Variants in ABCB8 observed in about 807,000 individuals in gnomAD.
ABCB8 encodes mitochondrial potassium channel ATP-binding subunit.
Under a neutral mutation model 73.0 loss-of-function variants are expected in ABCB8, and 52 were observed. The ratio of observed to expected loss-of-function variants is 0.71; its 90% confidence interval spans 0.57 to 0.90. ABCB8 has a LOEUF of 0.90. Among genes scored for constraint, ABCB8 ranks in the 40% least tolerant of loss-of-function variants. The pLI, the probability that ABCB8 is intolerant of heterozygous loss-of-function variation, is 0.00. For missense variants in ABCB8, 909 were observed against 974.6 expected (o/e 0.93, Z 0.90); for synonymous variants, 428 against 423.5 (o/e 1.01, Z -0.13).
intron 1 of ABCB8, chr7:151,033,191 C>T (rs1239070681): frequency 2.3e-6 from 1 of 435,162 alleles, no homozygotes; most frequent in Non-Finnish European, 4.6e-6. Context: ...ACAGGAGCAG[C>T]TCTCTTTCCT....
intron 9 of ABCB8, chr7:151,039,918 C>A (rs77475957): frequency 0.042 from 10,262 of 243,740 alleles, 270 homozygotes; most frequent in Non-Finnish European, 0.058. Flanking sequence ...CTGATATCAC[C>A]GCTGCATGTG....
In ABCB8 at chr7:151,033,684, C is replaced by G; in HGVS notation, c.175C>G (p.Arg59Gly). The G allele has an allele frequency of 1.2e-6, 2 of 1,612,196 alleles. No homozygotes were observed. Among genetic ancestry groups the G allele is most frequent in the Non-Finnish European group, 1.7e-6 (2 of 1,178,952 alleles). Residue 59 changes from arginine to glycine, a missense_variant, in exon 2 of 16, where the codon CGA (arginine) becomes GGA (glycine). By Grantham distance (125) the Arg-to-Gly change is moderately radical. Transcript: ENST00000358849. ...GTCCCAGCTCTGGGCCCACCTCCCTCGAGCCCCCCTAGCTCCCAGATGGAG... is the reference window on the plus strand; with the variant it reads ...GTCCCAGCTCTGGGCCCACCTCCCTGGAGCCCCCCTAGCTCCCAGATGGAG... ...LRSQLWAHLP[R>G]APLAPRWSPS...
chr7:151,045,137 G>T, intron 15 of ABCB8, 72 bp from the exon 16 acceptor site: 1 of 1,437,624 alleles, frequency 7.0e-7, no homozygotes, highest in Non-Finnish European at 9.2e-7. Flanking sequence ...TGATAGAGAG[G>T]CTCAGCTCTC....
chr7:151,033,711 C>A lies in ABCB8; in HGVS notation c.202C>A (p.Pro68Thr). Reference sequence around the variant, plus strand: ...AGCCCCCCTAGCTCCCAGATGGAGCCCCTCTGCCTGGTGCTGGGTTGGGGG... The same window carrying A: ...AGCCCCCCTAGCTCCCAGATGGAGCACCTCTGCCTGGTGCTGGGTTGGGGG... Reference protein sequence around the residue: ...PRAPLAPRWSPSAWCWVGGAL... With the variant: ...PRAPLAPRWSTSAWCWVGGAL... Residue 68 changes from proline (P) to threonine (T), a missense_variant, in exon 2 of 16, where the codon CCC becomes ACC. Coordinates refer to ENST00000358849, the MANE Select transcript of ABCB8 (RefSeq NM_007188.5). The A allele has an allele frequency of 6.2e-7, 1 of 1,613,802 alleles. No homozygotes were observed. Among genetic ancestry groups the A allele is most frequent in the Non-Finnish European group, 8.5e-7 (1 of 1,179,898 alleles).
chr7:151,030,302 G>A (rs1796125623), intron 1 of ABCB8, among the ~76,000 whole-genome samples: 1 of 151,998 alleles, frequency 6.6e-6, no homozygotes, highest in Admixed American at 6.5e-5. Flanking sequence ...ATCACCTGAG[G>A]TCAGAAGTTT....
chr7:151,045,955 C>T lies in ABCB8; in HGVS notation c.*606C>T, dbSNP rs1175989712. 6.6e-6 allele frequency: 1 copy of T among 152,370 alleles called. No individual in the cohort carries two copies. Among genetic ancestry groups the T allele is most frequent in the Non-Finnish European group, 1.5e-5 (1 of 68,156 alleles). 9.4% of individuals were successfully genotyped at this position (152,370 alleles called of 1,614,324 possible). A position where few individuals can be genotyped will look rare whatever the true frequency, so the allele number is the denominator to read the frequency against. ...CCCTCCTTTCTCCCTGCACAGTGAACACAGTCCTGATTTCTAGATTTCACC... is the reference window on the plus strand; with the variant it reads ...CCCTCCTTTCTCCCTGCACAGTGAATACAGTCCTGATTTCTAGATTTCACC... On this transcript the variant is annotated 3_prime_UTR_variant, in exon 16 of 16. Transcript: ENST00000358849.
chr7:151,039,521 C>T (rs1245234490), intron 9 of ABCB8: 1 of 152,692 alleles, frequency 6.5e-6, no homozygotes, highest in African/African-American at 2.4e-5. Flanking sequence ...CCTTCCTCCT[C>T]AGCCTCCTGG....
intron 13 of ABCB8, 59 bp from the exon 14 acceptor site, chr7:151,041,902 G>A (rs1486794723): frequency 1.9e-6 from 3 of 1,590,230 alleles, no homozygotes; most frequent in East Asian, 2.2e-5. Flanking sequence ...GGCCCCTCCA[G>A]TTTCTGGGGC....
At position 151,035,570 on chromosome 7, in the gene ABCB8, C is replaced by G; in HGVS notation, c.766-11C>G. On this transcript the variant is annotated splice_polypyrimidine_tract_variant and intron_variant, in intron 5 of 15. Transcript: ENST00000358849. ...ACGCCGTAGCCTCCCGCCTTCCCTCCCACTCCCTAGGGGCTGCGAAGCTGC... is the reference window on the plus strand; with the variant it reads ...ACGCCGTAGCCTCCCGCCTTCCCTCGCACTCCCTAGGGGCTGCGAAGCTGC... 1.3e-6 allele frequency: 2 copies of G among 1,582,000 alleles called. No homozygotes were observed. Among genetic ancestry groups the G allele is most frequent in the Middle Eastern group, 1.8e-4 (1 of 5,704 alleles).
Position 151,040,827 on chromosome 7 carries a change from G to C in ABCB8, c.1389-1G>C. 1 of 1,590,548 alleles carries C rather than the reference G, an allele frequency of 6.3e-7. No homozygotes were observed. On this transcript the variant is annotated splice_acceptor_variant, in intron 11 of 15. Coordinates refer to ENST00000358849, the MANE Select transcript of ABCB8 (RefSeq NM_007188.5). LOFTEE classifies it high-confidence loss of function. ...ACTGGGGGTCTCTCGGCTCCTCCCAGCTACCCCTGCCGCCCCGGCTTCGAG... is the reference window on the plus strand; with the variant it reads ...ACTGGGGGTCTCTCGGCTCCTCCCACCTACCCCTGCCGCCCCGGCTTCGAG...
At chr7:151,041,733 C>T (rs1796470021) in intron 13 of ABCB8, among the ~76,000 whole-genome samples, 1 of 152,260 alleles carries the variant, frequency 6.6e-6, no homozygotes, top group Admixed American at 6.5e-5. Context: ...CTCCCACTCC[C>T]ACTCCTGGGG....
At chr7:151,036,220 G>T in intron 8 of ABCB8, 50 bp downstream of exon 8, 1 of 1,531,138 alleles carries the variant, frequency 6.5e-7, no homozygotes, top group South Asian at 1.2e-5. Context: ...CTGGGGAGGA[G>T]CTGGGAGCAG....
chr7:151,035,436 C>T (rs1471507773), intron 5 of ABCB8, 145 bp from the exon 6 acceptor site: 2 of 928,586 alleles, frequency 2.2e-6, no homozygotes, highest in Non-Finnish European at 3.3e-6. Flanking sequence ...GTACTGTGAC[C>T]GGTGGACTGC....
At chr7:151,032,600 A>C (rs950701176) in intron 1 of ABCB8, among the ~76,000 whole-genome samples, 2 of 152,014 alleles carry the variant, frequency 1.3e-5, no homozygotes, top group Non-Finnish European at 2.9e-5. Context: ...AGGCTGAGGC[A>C]GGAGAATCTC....
intron 1 of ABCB8, among the ~76,000 whole-genome samples, chr7:151,030,879 G>T (rs1265537167): frequency 6.6e-6 from 1 of 152,248 alleles, no homozygotes; most frequent in Non-Finnish European, 1.5e-5. Context: ...GGTGGAGGTT[G>T]CAGTCAGCCA....
chr7:151,036,421 G>A, intron 8 of ABCB8, 123 bp from the exon 9 acceptor site: 1 of 1,002,954 alleles, frequency 1.0e-6, no homozygotes, highest in Non-Finnish European at 1.6e-6. Context: ...CTTCCGAGGA[G>A]GAAGCCAACG....
chr7:151,038,704 C>G (rs1346477603), intron 9 of ABCB8: 1 of 152,132 alleles, frequency 6.6e-6, no homozygotes, highest in Non-Finnish European at 1.5e-5. Flanking sequence ...CTTGGCCATC[C>G]AGCAGCTTTA....
At position 151,034,604 on chromosome 7, in the gene ABCB8, TG is replaced by T. The variant is rs1349874281; in HGVS notation, c.659+6del. On this transcript the variant is annotated splice_donor_region_variant and intron_variant, in intron 4 of 15. Coordinates refer to ENST00000358849, the MANE Select transcript of ABCB8 (RefSeq NM_007188.5). The stretch of plus-strand genomic sequence containing the variant: ...CCTCTTCAGCTCCCTGCTCCGGTAC[TG>T]CCAGCCGCAGGGTGCAGAGTTGGGG... The T allele has an allele frequency of 1.2e-6, 2 of 1,613,792 alleles. No homozygotes were observed. The highest frequency in any genetic ancestry group is 1.7e-6 in the Non-Finnish European group (2 of 1,179,994).
intron 9 of ABCB8, chr7:151,038,682 C>T (rs1796376341): frequency 6.6e-6 from 1 of 152,114 alleles, no homozygotes; most frequent in Admixed American, 6.5e-5. Context: ...GACTTTACCT[C>T]CCACCGTACT....
Sources: allele counts gnomAD v4.1 joint callset (sites outside exome capture counted in the v4.1 genomes callset), GRCh38; gene constraint gnomAD v4.1.1; transcripts MANE v1.5; gene names NCBI Gene and HGNC (gene_info 2026-07-23, HGNC 2026-07-21).